Variants in GNA14 observed in about 807,000 individuals in gnomAD.
GNA14 encodes the protein guanine nucleotide-binding protein subunit alpha-14.
GNA14 carries 50 observed loss-of-function variants against 42.0 expected under a neutral mutation model. That is an observed-to-expected ratio of 1.19 (90% CI 0.95 to 1.51). The LOEUF is 1.51. Ranked by LOEUF, GNA14 falls within the 40% of genes most tolerant of loss-of-function variation. GNA14 has a pLI of 0.00. For synonymous variants in GNA14, 173 were observed against 163.1 expected, an observed-to-expected ratio of 1.06 and a Z score of -0.46; for missense variants, 473 against 446.2, an observed-to-expected ratio of 1.06 and a Z score of -0.54.
At chr9:77,564,033 T>C (rs747504338) in intron 1 of GNA14, among the ~76,000 whole-genome samples, 2 of 152,154 alleles carry the variant, frequency 1.3e-5, no homozygotes, top group Non-Finnish European at 2.9e-5. Context: ...TTTGATCTAT[T>C]TTAACTTTAA....
At chr9:77,442,039 GCAGA>G (rs34265269) in intron 2 of GNA14, among the ~76,000 whole-genome samples, 58,475 of 151,740 alleles carry the variant, frequency 0.39, 11,727 homozygotes, top group African/African-American at 0.51. Flanking sequence ...GCTAGAAATA[GCAGA>G]CAAAATATTT....
intron 2 of GNA14, among the ~76,000 whole-genome samples, chr9:77,492,788 G>C (rs992907322): frequency 6.6e-6 from 1 of 151,660 alleles, no homozygotes; most frequent in Non-Finnish European, 1.5e-5. Flanking sequence ...GATCACTTGA[G>C]GTCAGGAGTT....
At chr9:77,520,336 A>C (rs1837335783) in intron 2 of GNA14, among the ~76,000 whole-genome samples, 1 of 152,322 alleles carries the variant, frequency 6.6e-6, no homozygotes, top group East Asian at 1.9e-4. Context: ...CAGAAAATGC[A>C]ATTCTGAAAG....
chr9:77,499,727 G>A (rs1836934599), intron 2 of GNA14, among the ~76,000 whole-genome samples: 1 of 152,130 alleles, frequency 6.6e-6, no homozygotes, highest in African/African-American at 2.4e-5. Context: ...GCGCGCTCCT[G>A]TAGTCCCAGC....
chr9:77,578,793 C>A, intron 1 of GNA14, among the ~76,000 whole-genome samples: 1 of 152,118 alleles, frequency 6.6e-6, no homozygotes, highest in East Asian at 1.9e-4. Context: ...GCTTCAAATA[C>A]AAAGAGGATT....
chr9:77,636,266 C>G lies in GNA14; in HGVS notation c.124+11404G>C, dbSNP rs145899937. Among the ~76,000 whole-genome samples the G allele has an allele frequency of 1.1e-3, 162 of 152,278 alleles. 1 individual carries two copies. Among genetic ancestry groups the G allele is most frequent in the African/African-American group, 3.8e-3 (158 of 41,560 alleles). ...GAGAGAAATGGCATGGATAATCCATCTAATAATAACTGACAACTGATCATC... is the reference window on the plus strand; with the variant it reads ...GAGAGAAATGGCATGGATAATCCATGTAATAATAACTGACAACTGATCATC... On this transcript the variant is annotated intron_variant, in intron 1 of 6. Coordinates refer to ENST00000341700, the MANE Select transcript of GNA14 (RefSeq NM_004297.4).
intron 1 of GNA14, among the ~76,000 whole-genome samples, chr9:77,631,390 A>G (rs2118005791): frequency 6.6e-6 from 1 of 152,072 alleles, no homozygotes; most frequent in East Asian, 1.9e-4. Context: ...GTGCCCAGAT[A>G]AAACATCTTG....
At chr9:77,619,443 C>T (rs1823887903) in intron 1 of GNA14, among the ~76,000 whole-genome samples, 1 of 152,042 alleles carries the variant, frequency 6.6e-6, no homozygotes, top group Admixed American at 6.6e-5. Context: ...TCAAGTGATC[C>T]ACCCTGCTCA....
At chr9:77,577,752 T>C (rs1823151293) in intron 1 of GNA14, among the ~76,000 whole-genome samples, 1 of 151,906 alleles carries the variant, frequency 6.6e-6, no homozygotes, top group Non-Finnish European at 1.5e-5. Context: ...ACAGAAGGAG[T>C]TGCAGGAGGT....
chr9:77,539,383 T>G (rs142096302), intron 1 of GNA14, among the ~76,000 whole-genome samples: 4 of 152,334 alleles, frequency 2.6e-5, no homozygotes, highest in African/African-American at 9.6e-5. Flanking sequence ...ATTATGTTCA[T>G]GATGTGCTGT....
chr9:77,488,035 A>AG (rs1368288756), intron 2 of GNA14, among the ~76,000 whole-genome samples: 3 of 152,142 alleles, frequency 2.0e-5, no homozygotes, highest in Non-Finnish European at 2.9e-5. Context: ...AGATTCAGGG[A>AG]GAAAAAAAAA....
chr9:77,576,430 T>C (rs187422815), intron 1 of GNA14, among the ~76,000 whole-genome samples: 2 of 152,314 alleles, frequency 1.3e-5, no homozygotes, highest in Admixed American at 6.5e-5. Context: ...TATAGTTTTG[T>C]TTTTCTAAGA....
intron 1 of GNA14, among the ~76,000 whole-genome samples, chr9:77,637,159 A>T (rs1363852576): frequency 6.6e-6 from 1 of 152,206 alleles, no homozygotes; most frequent in African/African-American, 2.4e-5. Flanking sequence ...GAAGAAAAAA[A>T]TAGTTTCCAT....
At chr9:77,528,088 T>A (rs1837469637) in intron 2 of GNA14, among the ~76,000 whole-genome samples, 1 of 152,226 alleles carries the variant, frequency 6.6e-6, no homozygotes, top group South Asian at 2.1e-4. Flanking sequence ...GCCTACTGTG[T>A]TTTCCTATGT....
chr9:77,504,660 CTTTTTTTTTT>C (rs34631344), intron 2 of GNA14, among the ~76,000 whole-genome samples: 1 of 76,202 alleles, frequency 1.3e-5, no homozygotes, highest in Non-Finnish European at 2.4e-5. Flanking sequence ...GTCTGGCCGA[CTTTTTTTTTT>C]TTTTTTTTTT....
chr9:77,522,492 C>G (rs192317561), intron 2 of GNA14, among the ~76,000 whole-genome samples: 13 of 152,304 alleles, frequency 8.5e-5, no homozygotes, highest in Admixed American at 7.8e-4. Flanking sequence ...GCACCATTTA[C>G]CTTTGGGTGG....
At chr9:77,514,706 C>T (rs563204025) in intron 2 of GNA14, among the ~76,000 whole-genome samples, 10 of 151,074 alleles carry the variant, frequency 6.6e-5, no homozygotes, top group South Asian at 2.1e-4. Context: ...CTCCGCCTCC[C>T]GGGTTCACGC....
chr9:77,471,060 G>C (rs926782627), intron 2 of GNA14, among the ~76,000 whole-genome samples: 2 of 152,204 alleles, frequency 1.3e-5, no homozygotes, highest in Non-Finnish European at 2.9e-5. Context: ...TGAGTTAAGA[G>C]AGCAATAGGA....
intron 2 of GNA14, among the ~76,000 whole-genome samples, chr9:77,522,837 G>A (rs967872667): frequency 6.6e-6 from 1 of 152,208 alleles, no homozygotes; most frequent in Non-Finnish European, 1.5e-5. Flanking sequence ...AAACCCAGCA[G>A]TAGGAAGAGG....
Sources: allele counts gnomAD v4.1 joint callset (sites outside exome capture counted in the v4.1 genomes callset), GRCh38; gene constraint gnomAD v4.1.1; transcripts MANE v1.5; gene names NCBI Gene and HGNC (gene_info 2026-07-23, HGNC 2026-07-21).